The following UNC5D variants were observed in gnomAD, a reference collection of about 807,000 sequenced individuals.
UNC5D encodes netrin receptor UNC5D.
A neutral mutation model predicts 105.4 loss-of-function variants in UNC5D; 39 were observed. The ratio of observed to expected loss-of-function variants is 0.37; its 90% CI spans 0.29 to 0.48. The LOEUF (loss-of-function observed/expected upper bound fraction) is 0.48, where lower values mean the gene tolerates loss of function less well. Ranked by LOEUF, UNC5D falls within the 20% of genes least tolerant of loss-of-function variation. The pLI is 0.98. For missense variants in UNC5D, 991 were observed against 1,202.4 expected (o/e 0.82, Z 2.60); for synonymous variants, 452 against 450.4 (o/e 1.00, Z -0.04).
At chr8:35,622,995 A>G (rs1821450799) in intron 4 of UNC5D, among the ~76,000 whole-genome samples, 1 of 152,232 alleles carries the variant, frequency 6.6e-6, no homozygotes, top group African/African-American at 2.4e-5. Flanking sequence ...TTGTAAAACA[A>G]TGAAGAATGT....
chr8:35,344,782 G>A (rs1811685274), intron 1 of UNC5D, among the ~76,000 whole-genome samples: 1 of 151,972 alleles, frequency 6.6e-6, no homozygotes, highest in South Asian at 2.1e-4. Flanking sequence ...GCATAGAAAT[G>A]TTACATGGGG....
At chr8:35,297,986 C>A (rs548372247) in intron 1 of UNC5D, among the ~76,000 whole-genome samples, 1 of 152,284 alleles carries the variant, frequency 6.6e-6, no homozygotes, top group South Asian at 2.1e-4. Context: ...TCTTCACAGT[C>A]AGTACTGGTG....
chr8:35,377,600 A>G lies in UNC5D; in HGVS notation c.103+141713A>G, dbSNP rs188710654. On this transcript the variant is annotated intron_variant, in intron 1 of 16. Coordinates refer to ENST00000404895, the MANE Select transcript of UNC5D (RefSeq NM_080872.4). ...TAAACCAAGCTAGGACTGCAGGGAC[A>G]GCTTGAGTTCCTTTGATTCATCTGC... Among the ~76,000 whole-genome samples, 3 of 152,324 alleles carry G rather than the reference A, an allele frequency of 2.0e-5. No homozygotes were observed. The East Asian group carries it at 5.8e-4, about 29-fold the overall frequency.
chr8:35,741,382 G>T (rs1230439054), intron 11 of UNC5D, among the ~76,000 whole-genome samples: 1 of 151,854 alleles, frequency 6.6e-6, no homozygotes, highest in Non-Finnish European at 1.5e-5. Flanking sequence ...AATAGCGTGT[G>T]GGTGACCCAG....
chr8:35,673,201 G>A (rs961424679), intron 4 of UNC5D, among the ~76,000 whole-genome samples: 2 of 152,092 alleles, frequency 1.3e-5, no homozygotes, highest in African/African-American at 4.8e-5. Flanking sequence ...AGACAAAAGG[G>A]GAAACATGAT....
At chr8:35,787,935 TAAGC>T (rs1802824842) in intron 16 of UNC5D, among the ~76,000 whole-genome samples, 2 of 152,156 alleles carry the variant, frequency 1.3e-5, no homozygotes, top group Admixed American at 1.3e-4. Context: ...TTCAACTACT[TAAGC>T]AAGATTTGCT....
At chr8:35,445,441 G>A (rs935769977) in intron 1 of UNC5D, among the ~76,000 whole-genome samples, 4 of 151,972 alleles carry the variant, frequency 2.6e-5, no homozygotes, top group African/African-American at 9.7e-5. Context: ...CATTTACTAT[G>A]TCATAAGTGT....
chr8:35,759,314 C>A lies in UNC5D; in HGVS notation c.2164-6C>A. 6.2e-7 allele frequency: 1 copy of A among 1,611,580 alleles called. No homozygotes were observed. Among genetic ancestry groups the A allele is most frequent in the African/African-American group, 1.3e-5 (1 of 74,858 alleles). ...TTGATCTTATTTTCTTTTTCTTCTCCTATAGGAAGTGGTTTCAGATGAAAG... is the reference window on the plus strand; with the variant it reads ...TTGATCTTATTTTCTTTTTCTTCTCATATAGGAAGTGGTTTCAGATGAAAG... On this transcript the variant is annotated splice_polypyrimidine_tract_variant and splice_region_variant and intron_variant, in intron 13 of 16. Transcript: ENST00000404895.
intron 1 of UNC5D, among the ~76,000 whole-genome samples, chr8:35,506,919 C>T (rs549294938): frequency 6.6e-6 from 1 of 152,106 alleles, no homozygotes; most frequent in African/African-American, 2.4e-5. Context: ...ATGATACCGG[C>T]CATGTTGCTT....
chr8:35,712,177 A>C (rs1828005488), intron 8 of UNC5D, among the ~76,000 whole-genome samples: 1 of 152,214 alleles, frequency 6.6e-6, no homozygotes, highest in Non-Finnish European at 1.5e-5. Flanking sequence ...AGGCTGAGGC[A>C]GAAGAATCGC....
intron 1 of UNC5D, among the ~76,000 whole-genome samples, chr8:35,532,276 T>G (rs1052836498): frequency 1.3e-5 from 2 of 151,746 alleles, no homozygotes; most frequent in African/African-American, 4.8e-5. Context: ...TGCTTGTCTG[T>G]GAAGTATTTT....
intron 1 of UNC5D, among the ~76,000 whole-genome samples, chr8:35,482,968 A>T (rs539789337): frequency 3.3e-5 from 5 of 151,196 alleles, no homozygotes; most frequent in Non-Finnish European, 7.4e-5. Context: ...ACGCCCGGCT[A>T]ATTTTTGTAT....
chr8:35,779,041 G>C (rs1038673214), intron 16 of UNC5D, among the ~76,000 whole-genome samples: 2 of 152,196 alleles, frequency 1.3e-5, no homozygotes, highest in Non-Finnish European at 2.9e-5. Flanking sequence ...GATAACAGTT[G>C]TAGTTATAGA....
chr8:35,521,381 T>C (rs1813465197), intron 1 of UNC5D, among the ~76,000 whole-genome samples: 1 of 152,154 alleles, frequency 6.6e-6, no homozygotes, highest in Non-Finnish European at 1.5e-5. Context: ...TTAATCCTGC[T>C]ATTCAACAAA....
intron 3 of UNC5D, among the ~76,000 whole-genome samples, chr8:35,580,511 G>T (rs1225289588): frequency 6.6e-6 from 1 of 151,906 alleles, no homozygotes; most frequent in Non-Finnish European, 1.5e-5. Context: ...TGGTCAAGGG[G>T]TGAACACAGG....
At position 35,714,134 on chromosome 8, in the gene UNC5D, A is replaced by G. The variant is rs1012428073; in HGVS notation, c.1118-8076A>G. On this transcript the variant is annotated intron_variant, in intron 8 of 16. Transcript: ENST00000404895. ...TCTCCTTTTGAAATTGAGATGAGAG[A>G]GGCACTAGACACAATCACTCAAATA... Among the ~76,000 whole-genome samples, 9 of 152,292 alleles carry G rather than the reference A, an allele frequency of 5.9e-5. No homozygotes were observed. The East Asian group carries it at 1.7e-3, about 29-fold the overall frequency.
intron 7 of UNC5D, among the ~76,000 whole-genome samples, chr8:35,702,440 C>T (rs1174031408): frequency 1.3e-5 from 2 of 151,946 alleles, no homozygotes; most frequent in Non-Finnish European, 2.9e-5. Context: ...TTCTAATATG[C>T]AGCCAACACC....
chr8:35,759,017 T>C (rs1383570132), intron 13 of UNC5D, among the ~76,000 whole-genome samples: 2 of 152,134 alleles, frequency 1.3e-5, no homozygotes, highest in Non-Finnish European at 2.9e-5. Context: ...GTATTACGAT[T>C]TGCTTGGGGT....
At chr8:35,300,094 AG>A (rs1007806023) in intron 1 of UNC5D, among the ~76,000 whole-genome samples, 2 of 152,140 alleles carry the variant, frequency 1.3e-5, no homozygotes, top group African/African-American at 4.8e-5. Context: ...AAGAGGACCG[AG>A]GTAGTAGAGA....
Sources: gnomAD v4.1 joint callset for allele counts (sites outside exome capture counted in the v4.1 genomes callset) on GRCh38, gnomAD v4.1.1 for gene constraint, MANE v1.5 for transcripts, NCBI Gene and HGNC (gene_info 2026-07-23, HGNC 2026-07-21) for gene names.